TCF4: variants seen among roughly 807,000 people sequenced by gnomAD.
The protein encoded by TCF4 is SL3-3 enhancer factor 2.
In TCF4, 3 loss-of-function variants were observed where a neutral mutation model predicts 82.1. That is an observed-to-expected ratio of 0.04 (90% CI 0.02 to 0.09). The LOEUF is 0.09. Ranked by LOEUF, TCF4 falls within the 10% of genes least tolerant of loss-of-function variation. The pLI is 1.00. For synonymous variants in TCF4, 276 were observed against 309.6 expected (o/e 0.89, Z 1.14); for missense variants, 518 against 852.7 (o/e 0.61, Z 4.89).
intron 15 of TCF4, among the ~76,000 whole-genome samples, chr18:55,241,082 G>A (rs1290905660): frequency 2.0e-5 from 3 of 152,202 alleles, no homozygotes; most frequent in African/African-American, 7.2e-5. Flanking sequence ...CCTTGGCAGT[G>A]CTTGTCTATC....
chr18:55,442,907 A>G (rs1460858437), intron 5 of TCF4, among the ~76,000 whole-genome samples: 6 of 152,240 alleles, frequency 3.9e-5, no homozygotes, highest in Non-Finnish European at 7.3e-5. Context: ...CAGAGTCTAC[A>G]GAAATCCTAC....
intron 15 of TCF4, among the ~76,000 whole-genome samples, chr18:55,239,596 T>C (rs2050618322): frequency 6.6e-6 from 1 of 152,244 alleles, no homozygotes; most frequent in Non-Finnish European, 1.5e-5. Flanking sequence ...GAAAATCATT[T>C]CCTTTTTCTT....
intron 2 of TCF4, among the ~76,000 whole-genome samples, chr18:55,622,086 C>A (rs1235724541): frequency 5.0e-5 from 7 of 138,714 alleles, no homozygotes; most frequent in Admixed American, 4.8e-4. Flanking sequence ...TATATATACA[C>A]ACTATTATTT....
chr18:55,254,463 G>A (rs2056239528), intron 15 of TCF4, 34 bp downstream of exon 15: 1 of 1,576,712 alleles, frequency 6.3e-7, no homozygotes, highest in Non-Finnish European at 8.7e-7. Flanking sequence ...AACTCTATAT[G>A]ATAACTATAG....
At chr18:55,459,040 AGAG>A (rs1003177542) in intron 5 of TCF4, among the ~76,000 whole-genome samples, 1 of 152,212 alleles carries the variant, frequency 6.6e-6, no homozygotes, top group Non-Finnish European at 1.5e-5. Flanking sequence ...CTTATCTAAC[AGAG>A]AAGTCCTTTC....
intron 6 of TCF4, among the ~76,000 whole-genome samples, chr18:55,385,425 A>G (rs2092502094): frequency 6.6e-6 from 1 of 152,114 alleles, no homozygotes; most frequent in Non-Finnish European, 1.5e-5. Context: ...TTTTTGTTAG[A>G]TGGTTTCTCT....
chr18:55,277,888 C>T (rs1187222063), intron 9 of TCF4, among the ~76,000 whole-genome samples: 2 of 152,166 alleles, frequency 1.3e-5, no homozygotes, highest in Non-Finnish European at 2.9e-5. Context: ...AAACAGGGGA[C>T]TGATGCTGAG....
intron 5 of TCF4, among the ~76,000 whole-genome samples, chr18:55,411,902 G>A (rs915283777): frequency 4.0e-5 from 6 of 151,872 alleles, no homozygotes; most frequent in African/African-American, 1.2e-4. Context: ...CACCACATCC[G>A]ACTAATTTTT....
intron 2 of TCF4, among the ~76,000 whole-genome samples, chr18:55,597,135 G>A (rs930946959): frequency 1.3e-5 from 2 of 152,072 alleles, no homozygotes; most frequent in Non-Finnish European, 2.9e-5. Flanking sequence ...GGCCTCCCCA[G>A]CCATGCATCC....
intron 13 of TCF4, 150 bp downstream of exon 13, chr18:55,259,799 T>G (rs777759413): frequency 1.2e-5 from 8 of 677,882 alleles, no homozygotes; most frequent in Non-Finnish European, 1.6e-5. Context: ...GTAATTTGTC[T>G]CTCCCACCCT....
At chr18:55,393,012 C>T (rs866464234) in intron 6 of TCF4, among the ~76,000 whole-genome samples, 1 of 152,106 alleles carries the variant, frequency 6.6e-6, no homozygotes, top group African/African-American at 2.4e-5. Context: ...ACTCTTATTC[C>T]TTCTTTGGAT....
chr18:55,631,648 A>G (rs530856572), intron 1 of TCF4, among the ~76,000 whole-genome samples: 37 of 152,350 alleles, frequency 2.4e-4, no homozygotes, highest in Admixed American at 2.4e-3. Flanking sequence ...ACGCATGTCA[A>G]AAACAAAGCC....
At chr18:55,252,903 T>C (rs1470202370) in intron 15 of TCF4, among the ~76,000 whole-genome samples, 2 of 152,186 alleles carry the variant, frequency 1.3e-5, no homozygotes, top group Non-Finnish European at 2.9e-5. Context: ...TCTCATATTA[T>C]ATGCATCCCA....
At chr18:55,309,970 T>C (rs2071761684) in intron 8 of TCF4, among the ~76,000 whole-genome samples, 1 of 152,186 alleles carries the variant, frequency 6.6e-6, no homozygotes, top group Non-Finnish European at 1.5e-5. Flanking sequence ...ACCATAAAAA[T>C]AGTAATCTTT....
intron 3 of TCF4, among the ~76,000 whole-genome samples, chr18:55,577,279 C>CAT (rs1023667137): frequency 2.5e-3 from 358 of 143,460 alleles, no homozygotes; most frequent in African/African-American, 8.8e-3. Flanking sequence ...TGTATATATA[C>CAT]ATATATATAT....
chr18:55,258,446 G>A (rs1300802204), intron 13 of TCF4, among the ~76,000 whole-genome samples: 2 of 152,028 alleles, frequency 1.3e-5, no homozygotes, highest in Non-Finnish European at 2.9e-5. Flanking sequence ...TAGAATGACT[G>A]TGCATCCTAA....
intron 6 of TCF4, among the ~76,000 whole-genome samples, chr18:55,368,531 A>G (rs2087922238): frequency 6.6e-6 from 1 of 152,168 alleles, no homozygotes; most frequent in East Asian, 1.9e-4. Flanking sequence ...AAAACAAAAA[A>G]CACAGTGTTT....
At chr18:55,570,136 T>C (rs545381011) in intron 3 of TCF4, among the ~76,000 whole-genome samples, 2 of 152,232 alleles carry the variant, frequency 1.3e-5, no homozygotes, top group South Asian at 4.1e-4. Flanking sequence ...AGAAATAGTA[T>C]TGTGAATGAC....
intron 15 of TCF4, among the ~76,000 whole-genome samples, chr18:55,241,476 C>A (rs1356626915): frequency 6.6e-6 from 1 of 152,194 alleles, no homozygotes; most frequent in Admixed American, 6.5e-5. Flanking sequence ...ATGGTGAAGT[C>A]TAGCAATTAT....
Sources: allele counts gnomAD v4.1 joint callset (sites outside exome capture counted in the v4.1 genomes callset), GRCh38; gene constraint gnomAD v4.1.1; transcripts MANE v1.5; gene names NCBI Gene and HGNC (gene_info 2026-07-23, HGNC 2026-07-21).